The following TRPC4AP variants were observed in gnomAD, a reference collection of about 807,000 sequenced individuals.
The protein encoded by TRPC4AP is transient receptor potential cation channel subfamily C member 4 associated protein, also known as short transient receptor potential channel 4-associated protein.
Under a neutral mutation model 99.0 loss-of-function variants are expected in TRPC4AP, and 45 were observed. The ratio of observed to expected loss-of-function variants is 0.45; its 90% CI spans 0.36 to 0.58. The LOEUF is 0.58. Among genes scored for constraint, TRPC4AP ranks in the 20% least tolerant of loss-of-function variants. TRPC4AP has a pLI of 0.00. For missense variants in TRPC4AP, 879 were observed against 985.3 expected (o/e 0.89, Z 1.44); for synonymous variants, 408 against 385.8 (o/e 1.06, Z -0.67).
intron 7 of TRPC4AP, among the ~76,000 whole-genome samples, chr20:35,043,768 C>T (rs1236059244): frequency 6.6e-6 from 1 of 152,042 alleles, no homozygotes; most frequent in African/African-American, 2.4e-5. Context: ...AAGAGTTATA[C>T]GAATGTGGTC....
intron 2 of TRPC4AP, among the ~76,000 whole-genome samples, chr20:35,072,413 AG>A (rs2084344643): frequency 9.8e-6 from 1 of 102,036 alleles, no homozygotes; most frequent in African/African-American, 2.9e-5. Context: ...TTATGGTTTT[AG>A]GTCTAACATT....
intron 9 of TRPC4AP, among the ~76,000 whole-genome samples, chr20:35,016,941 T>A (rs1600517876): frequency 6.6e-6 from 1 of 152,344 alleles, no homozygotes; most frequent in Admixed American, 6.5e-5. Context: ...ATTCACACGC[T>A]GTTGGTGGGA....
At chr20:35,086,513 G>GTATATATATA (rs1270918878) in intron 1 of TRPC4AP, among the ~76,000 whole-genome samples, 2 of 41,306 alleles carry the variant, frequency 4.8e-5, no homozygotes, top group African/African-American at 1.4e-4. Flanking sequence ...ATATATGTGT[G>GTATATATATA]TGTGTGTATA....
At chr20:35,092,098 A>T (rs1286219464) in intron 1 of TRPC4AP, among the ~76,000 whole-genome samples, 1 of 152,248 alleles carries the variant, frequency 6.6e-6, no homozygotes. Context: ...TAAGAAAGTA[A>T]TGTAAACGAA....
chr20:35,017,946 C>G (rs2082792201), intron 9 of TRPC4AP, among the ~76,000 whole-genome samples: 2 of 152,198 alleles, frequency 1.3e-5, no homozygotes, highest in African/African-American at 4.8e-5. Context: ...CAGGCCTTTA[C>G]TAAAACCCAG....
intron 2 of TRPC4AP, among the ~76,000 whole-genome samples, chr20:35,074,398 T>G (rs969853828): frequency 6.6e-6 from 1 of 152,238 alleles, no homozygotes; most frequent in Non-Finnish European, 1.5e-5. Context: ...CTTTCTCTTG[T>G]GTGCATTTAG....
intron 5 of TRPC4AP, 37 bp from the exon 6 acceptor site, chr20:35,050,031 A>G (rs2083657705): frequency 6.3e-7 from 1 of 1,596,470 alleles, no homozygotes; most frequent in East Asian, 2.2e-5. Context: ...GGTTGTAAGT[A>G]CAAAATAAAT....
intron 4 of TRPC4AP, 130 bp from the exon 5 acceptor site, chr20:35,055,161 C>A: frequency 1.4e-6 from 1 of 730,854 alleles, no homozygotes; most frequent in Non-Finnish European, 2.2e-6. Context: ...TAATATACTT[C>A]TTCCAGCCCC....
At chr20:35,086,547 G>GTA (rs1569158121) in intron 1 of TRPC4AP, among the ~76,000 whole-genome samples, 6 of 106,984 alleles carry the variant, frequency 5.6e-5, no homozygotes, top group Admixed American at 2.8e-4. Flanking sequence ...GTGTGTGTGT[G>GTA]TGTGTGTGTG....
chr20:35,079,685 A>G (rs994416868), intron 1 of TRPC4AP, among the ~76,000 whole-genome samples: 1 of 152,184 alleles, frequency 6.6e-6, no homozygotes, highest in Admixed American at 6.6e-5. Flanking sequence ...TGTGGTACAT[A>G]AGAGGAGTTA....
At chr20:35,016,183 G>C (rs1214437848) in intron 9 of TRPC4AP, 44 bp from the exon 10 acceptor site, 1 of 1,612,236 alleles carries the variant, frequency 6.2e-7, no homozygotes, top group Non-Finnish European at 8.5e-7. Context: ...AAATGTGCTT[G>C]AAAAATCTAG....
intron 11 of TRPC4AP, among the ~76,000 whole-genome samples, 184 bp downstream of exon 11, chr20:35,012,824 A>G (rs970315041): frequency 2.0e-5 from 3 of 152,196 alleles, no homozygotes; most frequent in African/African-American, 4.8e-5. Flanking sequence ...AGTGCCTGCC[A>G]TAAGGAAGTC....
At chr20:35,025,470 G>A (rs1007674652) in intron 8 of TRPC4AP, among the ~76,000 whole-genome samples, 4 of 152,166 alleles carry the variant, frequency 2.6e-5, no homozygotes, top group African/African-American at 9.7e-5. Context: ...ACTGTGCCTG[G>A]CCTCACTGTG....
chr20:35,049,316 G>A (rs2083640903), intron 6 of TRPC4AP, among the ~76,000 whole-genome samples: 1 of 151,510 alleles, frequency 6.6e-6, no homozygotes, highest in South Asian at 2.1e-4. Context: ...CCAAGTGGCA[G>A]GATTTCAGAG....
chr20:35,030,220 A>G (rs1432382779), intron 8 of TRPC4AP: 5 of 141,172 alleles, frequency 3.5e-5, no homozygotes, highest in South Asian at 2.4e-4. Flanking sequence ...CAGCCTGAGT[A>G]ACAAGAGCGA....
intron 1 of TRPC4AP, among the ~76,000 whole-genome samples, chr20:35,084,650 T>TTATATGCATATATGTG (rs2084772957): frequency 1.5e-5 from 2 of 133,532 alleles, no homozygotes; most frequent in African/African-American, 5.8e-5. Context: ...GTATGTATGT[T>TTATATGCATATATGTG]TATATGCATA....
At chr20:35,034,486 TA>T (rs2083272392) in intron 8 of TRPC4AP, among the ~76,000 whole-genome samples, 2 of 152,236 alleles carry the variant, frequency 1.3e-5, no homozygotes, top group East Asian at 3.9e-4. Context: ...CTCTTTGCCA[TA>T]CTCACCGAGA....
chr20:35,013,778 T>C (rs1025755333), intron 10 of TRPC4AP, among the ~76,000 whole-genome samples: 10 of 152,152 alleles, frequency 6.6e-5, no homozygotes, highest in Admixed American at 2.0e-4. Flanking sequence ...CTGCAGGGAC[T>C]AGACAGGGTG....
intron 2 of TRPC4AP, among the ~76,000 whole-genome samples, chr20:35,070,148 C>T (rs1007317168): frequency 1.3e-5 from 2 of 152,096 alleles, no homozygotes; most frequent in African/African-American, 2.4e-5. Flanking sequence ...ATCTCAGTAC[C>T]ACCCTACCCA....
Sources: allele counts gnomAD v4.1 joint callset (sites outside exome capture counted in the v4.1 genomes callset), GRCh38; gene constraint gnomAD v4.1.1; transcripts MANE v1.5; gene names NCBI Gene and HGNC (gene_info 2026-07-23, HGNC 2026-07-21).